RBMS3: variants seen among roughly 807,000 people sequenced by gnomAD.
The protein encoded by RBMS3 is RNA binding motif single stranded interacting protein 3.
Under a neutral mutation model 66.8 loss-of-function variants are expected in RBMS3, and 27 were observed. That is an observed-to-expected ratio of 0.40 (90% CI 0.30 to 0.56). The LOEUF (loss-of-function observed/expected upper bound fraction) is 0.56. Among genes scored for constraint, RBMS3 ranks in the 20% least tolerant of loss-of-function variants. The probability of loss-of-function intolerance (pLI) is 0.40; values close to 1 mark genes in which losing one functional copy is unlikely to be tolerated. For synonymous variants in RBMS3, 188 were observed against 183.0 expected (o/e 1.03, Z -0.22); for missense variants, 513 against 549.5 (o/e 0.93, Z 0.66).
intron 6 of RBMS3, among the ~76,000 whole-genome samples, chr3:29,785,036 G>T (rs1379428891): frequency 6.6e-6 from 1 of 151,556 alleles, no homozygotes; most frequent in African/African-American, 2.4e-5. Context: ...TTTTAAAATT[G>T]CCACCAAAAA....
chr3:29,319,064 A>AGAAGCTAAGGGATATAAGTGGTAGATGTT (rs2034859534), intron 1 of RBMS3, among the ~76,000 whole-genome samples: 1 of 152,010 alleles, frequency 6.6e-6, no homozygotes, highest in Non-Finnish European at 1.5e-5. Flanking sequence ...CTTCAGCAAT[A>AGAAGCTAAGGGATATAAGTGGTAGATGTT]GAAGCTAAGG....
intron 6 of RBMS3, among the ~76,000 whole-genome samples, chr3:29,829,780 G>C (rs911862322): frequency 1.1e-4 from 16 of 152,102 alleles, no homozygotes; most frequent in African/African-American, 3.9e-4. Context: ...GTATGACAAT[G>C]TTTTTCAATG....
chr3:29,521,675 T>C lies in RBMS3; in HGVS notation c.307+33176T>C, dbSNP rs909605210. 4.6e-5 allele frequency among the ~76,000 whole-genome samples: 7 copies of C among 152,248 alleles called. No homozygotes were observed. In the South Asian group the frequency reaches 1.4e-3, roughly 32 times the overall value. ...AAGCACATGCTTTGTGTTCAGCCTGTTCTTACCTCTTTATGTACATTCCCT... is the reference window on the plus strand; with the variant it reads ...AAGCACATGCTTTGTGTTCAGCCTGCTCTTACCTCTTTATGTACATTCCCT... On this transcript the variant is annotated intron_variant, in intron 3 of 14. Transcript: ENST00000383767.
chr3:29,727,642 C>T (rs868792595), intron 4 of RBMS3, among the ~76,000 whole-genome samples: 8 of 152,084 alleles, frequency 5.3e-5, no homozygotes, highest in Admixed American at 1.3e-4. Flanking sequence ...AAATGCAAAT[C>T]GAAACCGCAA....
intron 1 of RBMS3, among the ~76,000 whole-genome samples, chr3:29,415,512 C>T (rs1464684767): frequency 6.6e-6 from 1 of 152,096 alleles, no homozygotes; most frequent in Non-Finnish European, 1.5e-5. Context: ...TTCAGGATTG[C>T]TTTTATTAAC....
chr3:29,699,771 T>C (rs1246310080), intron 4 of RBMS3, among the ~76,000 whole-genome samples: 3 of 152,186 alleles, frequency 2.0e-5, no homozygotes, highest in Non-Finnish European at 4.4e-5. Flanking sequence ...CTATATTACA[T>C]ATAAGGGAAG....
intron 6 of RBMS3, among the ~76,000 whole-genome samples, chr3:29,786,097 G>C (rs1488682785): frequency 8.3e-6 from 1 of 121,066 alleles, no homozygotes; most frequent in African/African-American, 3.5e-5. Flanking sequence ...CACAATAGCT[G>C]CAAAAAAAAA....
chr3:29,702,376 G>A (rs967927478), intron 4 of RBMS3, among the ~76,000 whole-genome samples: 12 of 152,266 alleles, frequency 7.9e-5, no homozygotes, highest in East Asian at 7.7e-4. Flanking sequence ...TCAGCTCTCT[G>A]TTAAACAGAC....
At chr3:29,850,586 T>A (rs1406660221) in intron 6 of RBMS3, among the ~76,000 whole-genome samples, 1 of 152,210 alleles carries the variant, frequency 6.6e-6, no homozygotes, top group Non-Finnish European at 1.5e-5. Flanking sequence ...AATTGGGAGC[T>A]ACATGTGTAA....
chr3:29,565,500 G>A (rs1446645124), intron 3 of RBMS3, among the ~76,000 whole-genome samples: 1 of 152,092 alleles, frequency 6.6e-6, no homozygotes, highest in Admixed American at 6.6e-5. Context: ...TGAGCTATGA[G>A]CTCACCTATT....
At chr3:29,828,773 A>ACT (rs781302494) in intron 6 of RBMS3, among the ~76,000 whole-genome samples, 7 of 151,526 alleles carry the variant, frequency 4.6e-5, no homozygotes, top group African/African-American at 1.7e-4. Context: ...AAAAGTAGTG[A>ACT]TTTTTTTTTC....
intron 4 of RBMS3, among the ~76,000 whole-genome samples, chr3:29,696,085 T>C (rs900739398): frequency 1.3e-5 from 2 of 152,166 alleles, no homozygotes; most frequent in African/African-American, 4.8e-5. Context: ...ATGTCTTCTG[T>C]TAACTCCCTT....
At chr3:29,989,734 T>C (rs565921233) in intron 13 of RBMS3, among the ~76,000 whole-genome samples, 1 of 152,358 alleles carries the variant, frequency 6.6e-6, no homozygotes, top group East Asian at 1.9e-4. Flanking sequence ...AAAGAATGTG[T>C]CATCTTAAAC....
chr3:29,612,354 A>C (rs2048520518), intron 4 of RBMS3, among the ~76,000 whole-genome samples: 1 of 152,092 alleles, frequency 6.6e-6, no homozygotes, highest in Admixed American at 6.6e-5. Context: ...ATTTGTAATC[A>C]CTATACAGAA....
intron 4 of RBMS3, among the ~76,000 whole-genome samples, chr3:29,689,827 C>T (rs942570888): frequency 2.1e-5 from 3 of 144,738 alleles, no homozygotes; most frequent in African/African-American, 7.6e-5. Context: ...TGCATGTAAT[C>T]CCAACACTTT....
intron 1 of RBMS3, among the ~76,000 whole-genome samples, chr3:29,361,769 A>G (rs12637083): frequency 0.22 from 33,525 of 151,754 alleles, 4,635 homozygotes; most frequent in Non-Finnish European, 0.3. Context: ...TTTTCTCTAA[A>G]CTTCTCTTCT....
intron 5 of RBMS3, among the ~76,000 whole-genome samples, chr3:29,745,279 A>G (rs1368888520): frequency 1.3e-5 from 2 of 151,970 alleles, no homozygotes; most frequent in Non-Finnish European, 2.9e-5. Context: ...ACTTAAAACA[A>G]TTTTGTAAGA....
chr3:29,371,384 G>C (rs1475205919), intron 1 of RBMS3, among the ~76,000 whole-genome samples: 2 of 152,286 alleles, frequency 1.3e-5, no homozygotes, highest in African/African-American at 2.4e-5. Flanking sequence ...GCAAAAACAT[G>C]TACTTGATGG....
chr3:29,931,043 C>T (rs78024655), intron 10 of RBMS3, among the ~76,000 whole-genome samples: 34,114 of 152,042 alleles, frequency 0.22, 4,111 homozygotes, highest in East Asian at 0.47. Context: ...ACACTATAAA[C>T]AGCACTATAG....
Sources: allele counts gnomAD v4.1 joint callset (sites outside exome capture counted in the v4.1 genomes callset), GRCh38; gene constraint gnomAD v4.1.1; transcripts MANE v1.5; gene names NCBI Gene and HGNC (gene_info 2026-07-23, HGNC 2026-07-21).